SOX6: variants seen among roughly 807,000 people sequenced by gnomAD.
The protein encoded by SOX6 is SRY-box transcription factor 6, also known as transcription factor SOX-6.
A neutral mutation model predicts 97.8 loss-of-function variants in SOX6; 11 were observed. That is an observed-to-expected ratio of 0.11 (90% confidence interval 0.07 to 0.19). SOX6 has a LOEUF of 0.19. Ranked by LOEUF, SOX6 falls within the 10% of genes least tolerant of loss-of-function variation. The pLI, the probability that SOX6 is intolerant of heterozygous loss-of-function variation, is 1.00. For synonymous variants in SOX6, 360 were observed against 371.4 expected, an observed-to-expected ratio of 0.97 and a Z score of 0.35; for missense variants, 810 against 1,039.5, an observed-to-expected ratio of 0.78 and a Z score of 3.04.
chr11:16,072,130 T>C (rs1383047848), intron 9 of SOX6, among the ~76,000 whole-genome samples: 1 of 152,120 alleles, frequency 6.6e-6, no homozygotes, highest in Non-Finnish European at 1.5e-5. Context: ...CTGACTTCTA[T>C]ATGGATAGGA....
At chr11:16,582,857 T>A (rs1171782497) in intron 4 of SOX6, among the ~76,000 whole-genome samples, 1 of 152,098 alleles carries the variant, frequency 6.6e-6, no homozygotes, top group Admixed American at 6.6e-5. Context: ...TAGGTAAGAT[T>A]TTTTAACCCT....
chr11:16,565,498 A>T (rs1276540836), intron 4 of SOX6, among the ~76,000 whole-genome samples: 1 of 152,156 alleles, frequency 6.6e-6, no homozygotes, highest in Non-Finnish European at 1.5e-5. Flanking sequence ...TACAAAAAAA[A>T]AACAAAGCTT....
At chr11:16,243,613 C>T (rs557209796) in intron 3 of SOX6, among the ~76,000 whole-genome samples, 1 of 151,682 alleles carries the variant, frequency 6.6e-6, no homozygotes, top group Admixed American at 6.6e-5. Flanking sequence ...GCTCCACCCT[C>T]CCGAAAGAAG....
chr11:16,709,922 C>G (rs373233107), intron 3 of SOX6, among the ~76,000 whole-genome samples: 8 of 152,186 alleles, frequency 5.3e-5, no homozygotes, highest in Admixed American at 2.0e-4. Flanking sequence ...ATTATCAATT[C>G]TTTAATTCGT....
At chr11:16,628,924 T>C (rs1300050424) in intron 3 of SOX6, among the ~76,000 whole-genome samples, 5 of 152,218 alleles carry the variant, frequency 3.3e-5, no homozygotes, top group Non-Finnish European at 7.3e-5. Flanking sequence ...ATAGAAATGA[T>C]GCTGATTTTT....
At chr11:16,527,177 A>G (rs1426784292) in intron 4 of SOX6, among the ~76,000 whole-genome samples, 1 of 151,906 alleles carries the variant, frequency 6.6e-6, no homozygotes, top group East Asian at 1.9e-4. Flanking sequence ...AGAGGGAAAA[A>G]AAAATCAACC....
intron 3 of SOX6, among the ~76,000 whole-genome samples, chr11:16,652,520 C>A (rs1847668007): frequency 6.6e-6 from 1 of 152,180 alleles, no homozygotes; most frequent in South Asian, 2.1e-4. Flanking sequence ...GCAAAGGACA[C>A]CTTATTTAAC....
chr11:16,056,691 A>G (rs185041605), intron 9 of SOX6, among the ~76,000 whole-genome samples: 1 of 152,230 alleles, frequency 6.6e-6, no homozygotes, highest in African/African-American at 2.4e-5. Flanking sequence ...AGTATTTTCT[A>G]TAGTTCTCTT....
intron 6 of SOX6, among the ~76,000 whole-genome samples, chr11:16,136,392 C>A (rs74655536): frequency 0.011 from 1,552 of 139,772 alleles, 26 homozygotes; most frequent in African/African-American, 0.039. Flanking sequence ...ACTTAATAGA[C>A]CACAGTATAG....
chr11:16,025,860 A>T (rs1855203067), intron 12 of SOX6, among the ~76,000 whole-genome samples: 1 of 152,200 alleles, frequency 6.6e-6, no homozygotes, highest in African/African-American at 2.4e-5. Context: ...ATTTAAAAAA[A>T]TATGTATGCT....
rs190536592 is a variant in SOX6, at chr11:16,362,718, C to T, written c.-4-21466G>A. 5.3e-5 allele frequency among the ~76,000 whole-genome samples: 8 copies of T among 152,152 alleles called. No homozygotes were observed. In the East Asian group the frequency reaches 1.4e-3, roughly 26 times the overall value. On this transcript the variant is annotated intron_variant, in intron 1 of 15. Coordinates refer to the SOX6 transcript ENST00000396356. The stretch of plus-strand genomic sequence containing the variant: ...AGAATCTGTTATGCCTGCAGAATTC[C>T]GTGCCACAGAGTAAATAAAAACGCC...
intron 3 of SOX6, among the ~76,000 whole-genome samples, chr11:16,655,611 T>C (rs1003129229): frequency 6.6e-6 from 1 of 152,188 alleles, no homozygotes; most frequent in Non-Finnish European, 1.5e-5. Context: ...TTCTGGAAAA[T>C]TTTTAGCTAT....
At chr11:16,465,709 G>A (rs1860017562) in intron 1 of SOX6, 3 of 152,170 alleles carry the variant, frequency 2.0e-5, no homozygotes, top group Admixed American at 2.0e-4. Context: ...ACCTTTTGTT[G>A]TGCTTGTGTG....
intron 6 of SOX6, among the ~76,000 whole-genome samples, chr11:16,125,144 T>G (rs888798111): frequency 6.6e-6 from 1 of 152,094 alleles, no homozygotes; most frequent in Non-Finnish European, 1.5e-5. Context: ...CACATCATTT[T>G]CAAATACTTG....
At chr11:16,591,324 T>TAGATAGATAGACAGATAGAG (rs764523662) in intron 4 of SOX6, among the ~76,000 whole-genome samples, 1 of 73,346 alleles carries the variant, frequency 1.4e-5, no homozygotes. Flanking sequence ...GATACATAGA[T>TAGATAGATAGACAGATAGAG]AGATAGATAG....
chr11:16,633,610 T>C (rs1367968069), intron 3 of SOX6, among the ~76,000 whole-genome samples: 4 of 152,190 alleles, frequency 2.6e-5, no homozygotes, highest in Non-Finnish European at 4.4e-5. Flanking sequence ...CAGAGCAGCA[T>C]GGAACAGCTA....
chr11:15,973,259 G>T, intron 15 of SOX6, 147 bp from the exon 16 acceptor site: 1 of 808,068 alleles, frequency 1.2e-6, no homozygotes, highest in Non-Finnish European at 2.0e-6. Context: ...ATGTGACAAA[G>T]GTGTTCCCTG....
chr11:16,638,488 C>A (rs1439776536), intron 3 of SOX6, among the ~76,000 whole-genome samples: 1 of 152,174 alleles, frequency 6.6e-6, no homozygotes, highest in Non-Finnish European at 1.5e-5. Flanking sequence ...CCTGAGGAAT[C>A]ACCACACTGA....
intron 4 of SOX6, among the ~76,000 whole-genome samples, chr11:16,495,511 A>T (rs1860579384): frequency 6.6e-6 from 1 of 152,182 alleles, no homozygotes; most frequent in Non-Finnish European, 1.5e-5. Flanking sequence ...TGGGAACCTG[A>T]GGACAAGCTT....
Sources: allele counts gnomAD v4.1 joint callset (sites outside exome capture counted in the v4.1 genomes callset), GRCh38; gene constraint gnomAD v4.1.1; transcripts MANE v1.5; gene names NCBI Gene and HGNC (gene_info 2026-07-23, HGNC 2026-07-21).